SPRY3: variants seen among roughly 807,000 people sequenced by gnomAD.
SPRY3 encodes the protein sprouty RTK signaling antagonist 3.
SPRY3 carries 15 observed loss-of-function variants against 20.2 expected under a neutral mutation model. That is an observed-to-expected ratio of 0.74 (90% CI 0.50 to 1.14). The LOEUF (loss-of-function observed/expected upper bound fraction) is 1.14, where lower values mean the gene tolerates loss of function less well. SPRY3 is among the 50% of genes most tolerant of loss of function. The pLI is 0.00. For synonymous variants in SPRY3, 143 were observed against 136.5 expected (o/e 1.05, Z -0.33); for missense variants, 364 against 363.9 (o/e 1.00, Z 0.00).
intron 2 of SPRY3, among the ~76,000 whole-genome samples, chrX:155,714,913 C>T (rs900757122): frequency 2.0e-5 from 3 of 151,756 alleles, no homozygotes; most frequent in Non-Finnish European, 4.4e-5. Context: ...TGCGTAAAGC[C>T]TAAGGACTTC....
chrX:155,759,628 A>C (rs984777191), intron 2 of SPRY3, among the ~76,000 whole-genome samples: 3 of 152,148 alleles, frequency 2.0e-5, no homozygotes, highest in Non-Finnish European at 4.4e-5. Context: ...GCTGTCCCTC[A>C]ATATATGTTT....
intron 2 of SPRY3, among the ~76,000 whole-genome samples, chrX:155,733,477 A>G (rs1247819208): frequency 6.6e-6 from 1 of 151,876 alleles, no homozygotes; most frequent in Non-Finnish European, 1.5e-5. Context: ...TAAAAAAAAC[A>G]TACTGGTAAC....
chrX:155,745,909 C>T (rs1349962105), intron 2 of SPRY3, among the ~76,000 whole-genome samples: 1 of 152,010 alleles, frequency 6.6e-6, no homozygotes, highest in Non-Finnish European at 1.5e-5. Context: ...GATTCCTCAT[C>T]AGAAGGGTGG....
chrX:155,683,719 G>A (rs1013719720), intron 2 of SPRY3, among the ~76,000 whole-genome samples: 7 of 111,640 alleles, frequency 6.3e-5, no homozygotes, highest in Non-Finnish European at 1.3e-4. Flanking sequence ...GACTAGGCCA[G>A]AGATGTAAAT....
At chrX:155,635,199 C>T (rs2067919408) in intron 1 of SPRY3, among the ~76,000 whole-genome samples, 1 of 111,144 alleles carries the variant, frequency 9.0e-6, no homozygotes, top group Non-Finnish European at 1.9e-5. Context: ...ATCCATCTCC[C>T]TGCAAAGGAC....
intron 2 of SPRY3, among the ~76,000 whole-genome samples, chrX:155,685,403 C>CT (rs767255277): frequency 8.3e-4 from 77 of 93,210 alleles, no homozygotes; most frequent in East Asian, 3.1e-3. Context: ...GTAGGGATTT[C>CT]TTTTTTTTTT....
rs754582223 is a variant in SPRY3, at chrX:155,743,036, G to T, written c.-281-24926G>T. ...CAAAAATCAACAAAACCAGGAGCTG[G>T]TTTTTTGAAAAAATTAATAAAATAG... On this transcript the variant is annotated intron_variant, in intron 2 of 3. Coordinates refer to ENST00000675360, the Ensembl canonical transcript of SPRY3. 6.6e-3 allele frequency among the ~76,000 whole-genome samples: 999 copies of T among 152,078 alleles called. 13 individuals are homozygous for T. The highest frequency in any genetic ancestry group is 0.058 in the Middle Eastern group (17 of 294).
exon 4 of SPRY3, chrX:155,774,173 C>T (rs971707035): frequency 7.4e-6 from 12 of 1,613,882 alleles, no homozygotes; most frequent in Non-Finnish European, 1.0e-5. Flanking sequence ...AGGCTCTTGG[C>T]CAGCATTACA....
chrX:155,681,242 G>A (rs1225028422), intron 2 of SPRY3, among the ~76,000 whole-genome samples: 1 of 111,508 alleles, frequency 9.0e-6, no homozygotes, highest in East Asian at 2.8e-4. Flanking sequence ...AGTCTCACGA[G>A]ATCTGATGGT....
chrX:155,664,571 G>A (rs1428916685), intron 2 of SPRY3, among the ~76,000 whole-genome samples: 2 of 110,217 alleles, frequency 1.8e-5, no homozygotes, highest in African/African-American at 6.6e-5. Flanking sequence ...TAAATGATTA[G>A]TATATGACAT....
intron 2 of SPRY3, among the ~76,000 whole-genome samples, chrX:155,767,365 C>T (rs777120636): frequency 3.9e-5 from 6 of 152,174 alleles, no homozygotes; most frequent in African/African-American, 4.8e-5. Context: ...AACACACTGC[C>T]AACTCACTCC....
chrX:155,775,376 C>T (rs887576681), exon 4 of SPRY3: 1 of 168,010 alleles, frequency 6.0e-6, no homozygotes, highest in Non-Finnish European at 1.5e-5. Flanking sequence ...ATTTCTATCT[C>T]ATTTGATCTA....
intron 2 of SPRY3, among the ~76,000 whole-genome samples, chrX:155,696,755 A>G (rs2068120225): frequency 8.9e-6 from 1 of 111,941 alleles, no homozygotes; most frequent in Non-Finnish European, 1.9e-5. Context: ...TGGACAATCC[A>G]ACTGAGTTTC....
intron 2 of SPRY3, among the ~76,000 whole-genome samples, chrX:155,763,602 A>G (rs902969313): frequency 1.3e-5 from 2 of 151,986 alleles, no homozygotes; most frequent in Non-Finnish European, 2.9e-5. Context: ...ATATATTCCA[A>G]TCCTCTCTTC....
chrX:155,751,673 A>T (rs1357818164), intron 2 of SPRY3, among the ~76,000 whole-genome samples: 5 of 151,286 alleles, frequency 3.3e-5, no homozygotes, highest in Non-Finnish European at 7.4e-5. Context: ...AATATGACAA[A>T]TGTTTACTAT....
At chrX:155,633,105 C>T (rs2067911744) in intron 1 of SPRY3, among the ~76,000 whole-genome samples, 1 of 110,903 alleles carries the variant, frequency 9.0e-6, no homozygotes, top group African/African-American at 3.3e-5. Context: ...ATCACAGTGT[C>T]CTTTGGAATG....
intron 2 of SPRY3, among the ~76,000 whole-genome samples, chrX:155,673,025 T>C (rs2068047313): frequency 1.4e-5 from 1 of 73,668 alleles, no homozygotes; most frequent in South Asian, 9.2e-4. Flanking sequence ...TGAGAACACA[T>C]GGACACAGGA....
exon 4 of SPRY3, chrX:155,774,346 A>G (rs1199436241): frequency 6.2e-7 from 1 of 1,614,002 alleles, no homozygotes; most frequent in Non-Finnish European, 8.5e-7. Context: ...CGTCCCCTGC[A>G]CAGCAGCTCG....
chrX:155,774,379 T>A, exon 4 of SPRY3: 1 of 1,614,020 alleles, frequency 6.2e-7, no homozygotes, highest in Non-Finnish European at 8.5e-7. Context: ...CTGCTGGCTG[T>A]GCAACCAGCG....
Sources: allele counts gnomAD v4.1 joint callset (sites outside exome capture counted in the v4.1 genomes callset), GRCh38; gene constraint gnomAD v4.1.1; transcripts MANE v1.5; gene names NCBI Gene and HGNC (gene_info 2026-07-23, HGNC 2026-07-21).